VWA3B: variants seen among roughly 807,000 people sequenced by gnomAD.
VWA3B encodes von Willebrand factor A domain-containing protein 3B.
VWA3B carries 138 observed loss-of-function variants against 158.3 expected under a neutral mutation model. The ratio of observed to expected loss-of-function variants is 0.87; its 90% CI spans 0.76 to 1.00. VWA3B has a LOEUF of 1.00. Ranked by LOEUF, VWA3B falls within the 50% of genes least tolerant of loss-of-function variation. VWA3B has a pLI of 0.00. For synonymous variants in VWA3B, 596 were observed against 587.3 expected, an observed-to-expected ratio of 1.01 and a Z score of -0.21; for missense variants, 1,555 against 1,565.1, an observed-to-expected ratio of 0.99 and a Z score of 0.11.
chr2:98,162,999 G>T (rs752975750), intron 8 of VWA3B, 23 bp downstream of exon 8: 29 of 1,612,652 alleles, frequency 1.8e-5, no homozygotes, highest in Non-Finnish European at 2.1e-5. Context: ...TCTGGTCACT[G>T]GTGTAAAAGA....
chr2:98,154,359 G>A lies in VWA3B; in HGVS notation c.989-8492G>A, dbSNP rs79734327. Among the ~76,000 whole-genome samples, 285 of 152,292 alleles carry A rather than the reference G, an allele frequency of 1.9e-3. 13 individuals carry two copies. The East Asian group carries it at 0.051, about 27-fold the overall frequency. ...GCTTCTGCCTTATGACTTAGGGGTT[G>A]TTCCTTCCCTCCATTACTGCAGGAT... On this transcript the variant is annotated intron_variant, in intron 7 of 27. Coordinates refer to ENST00000477737, the MANE Select transcript of VWA3B (RefSeq NM_144992.5).
chr2:98,189,255 A>G (rs1681378171), intron 10 of VWA3B, among the ~76,000 whole-genome samples: 1 of 152,138 alleles, frequency 6.6e-6, no homozygotes, highest in African/African-American at 2.4e-5. Context: ...AAGATTCAAA[A>G]AATTAGCTAG....
chr2:98,194,584 T>G, intron 12 of VWA3B, 92 bp downstream of exon 12: 24 of 1,473,770 alleles, frequency 1.6e-5, no homozygotes, highest in Middle Eastern at 1.8e-4. Context: ...TGAGAGGTGT[T>G]TTGCACTCTC....
chr2:98,141,314 C>T (rs1031038135), intron 7 of VWA3B, among the ~76,000 whole-genome samples: 10 of 152,262 alleles, frequency 6.6e-5, no homozygotes, highest in Non-Finnish European at 1.3e-4. Flanking sequence ...TTAGGCTCAG[C>T]GTTCTGCAGG....
rs569276531 is a variant in VWA3B, at chr2:98,105,964, G to T, written c.197-9688G>T. On this transcript the variant is annotated intron_variant, in intron 2 of 27. Coordinates refer to ENST00000477737, the MANE Select transcript of VWA3B (RefSeq NM_144992.5). ...AGAGTCTCGCTCTGTTGCCCAGGCT[G>T]GAGTGCAGTGGTGCAATTTCAGCTC... Among the ~76,000 whole-genome samples, 62 of 152,004 alleles carry T rather than the reference G, an allele frequency of 4.1e-4. 1 individual carries two copies. The South Asian group carries it at 0.013, about 31-fold the overall frequency.
chr2:98,229,947 T>A (rs986258889), intron 15 of VWA3B, 103 bp from the exon 16 acceptor site: 1 of 1,287,752 alleles, frequency 7.8e-7, no homozygotes, highest in Non-Finnish European at 1.1e-6. Flanking sequence ...TTTTTAAAGT[T>A]TGCAGTGTTC....
intron 7 of VWA3B, among the ~76,000 whole-genome samples, chr2:98,152,984 C>T (rs1395463542): frequency 1.3e-5 from 2 of 152,246 alleles, no homozygotes; most frequent in Non-Finnish European, 2.9e-5. Context: ...ACAGAACCCT[C>T]TCACAGTTTG....
intron 22 of VWA3B, among the ~76,000 whole-genome samples, chr2:98,289,165 T>C (rs1689342546): frequency 6.6e-6 from 1 of 152,216 alleles, no homozygotes; most frequent in South Asian, 2.1e-4. Flanking sequence ...GTATGTAAAA[T>C]TACGTTACTT....
chr2:98,234,245 A>G (rs1430451983), intron 16 of VWA3B, among the ~76,000 whole-genome samples: 1 of 152,272 alleles, frequency 6.6e-6, no homozygotes, highest in Non-Finnish European at 1.5e-5. Flanking sequence ...AGAGAAAGTC[A>G]GACAGATTTG....
At chr2:98,093,667 CTCTT>C (rs1682515291) in intron 2 of VWA3B, among the ~76,000 whole-genome samples, 1 of 152,122 alleles carries the variant, frequency 6.6e-6, no homozygotes, top group Non-Finnish European at 1.5e-5. Context: ...CACTTACCCA[CTCTT>C]TCTGTGTTTT....
chr2:98,148,135 G>C (rs1051110082), intron 7 of VWA3B, among the ~76,000 whole-genome samples: 14 of 152,248 alleles, frequency 9.2e-5, no homozygotes, highest in Non-Finnish European at 1.6e-4. Flanking sequence ...ATAAATTTCT[G>C]ATAGTGAAAA....
In VWA3B at chr2:98,121,410, C is replaced by T. The variant is rs776417247; in HGVS notation, c.654C>T (p.Ser218=). The T allele has an allele frequency of 3.0e-5, 49 of 1,614,068 alleles. No individual in the cohort carries two copies. Among genetic ancestry groups the T allele is most frequent in the Non-Finnish European group, 3.0e-5 (35 of 1,180,040 alleles). The change falls in exon 5 of 28, where the codon AGC becomes AGT. Residue 218 remains serine, a synonymous_variant. Coordinates refer to ENST00000477737, the MANE Select transcript of VWA3B (RefSeq NM_144992.5). ...AACTGACGGTTGAGCTGACTGTGAG[C>T]GAGGCTGGCCGCCTGGATGCTCTGC... ...VEKLTVELTV[S]EAGRLDALLE...
intron 9 of VWA3B, among the ~76,000 whole-genome samples, chr2:98,186,766 C>T (rs566482680): frequency 2.6e-5 from 4 of 152,194 alleles, no homozygotes; most frequent in African/African-American, 7.2e-5. Flanking sequence ...CCTTGGTCCT[C>T]GGCCGTCCAG....
At chr2:98,222,749 A>G (rs1363102335) in intron 14 of VWA3B, among the ~76,000 whole-genome samples, 3 of 152,204 alleles carry the variant, frequency 2.0e-5, no homozygotes, top group Non-Finnish European at 4.4e-5. Context: ...CAGATTCGCA[A>G]AGAAGACCAA....
chr2:98,128,409 G>A lies in VWA3B; in HGVS notation c.872+1G>A. The stretch of plus-strand genomic sequence containing the variant: ...ATCTGAGTGCCAAGACCCACAGCAG[G>A]TAGGCAGAAAATGTGCTCTTGAGTG... On this transcript the variant is annotated splice_donor_variant, in intron 6 of 27. Coordinates refer to ENST00000477737, the MANE Select transcript of VWA3B (RefSeq NM_144992.5). LOFTEE classifies it high-confidence loss of function. 6.2e-7 allele frequency: 1 copy of A among 1,612,172 alleles called. No individual in the cohort carries two copies. The highest frequency in any genetic ancestry group is 8.5e-7 in the Non-Finnish European group (1 of 1,178,924).
chr2:98,123,391 G>A (rs1675116818), intron 5 of VWA3B, among the ~76,000 whole-genome samples: 2 of 152,316 alleles, frequency 1.3e-5, no homozygotes, highest in South Asian at 4.1e-4. Flanking sequence ...GCCCACATGA[G>A]GAGTAGGGCT....
At chr2:98,245,318 G>A in intron 19 of VWA3B, 1 of 281,240 alleles carries the variant, frequency 3.6e-6, no homozygotes, top group East Asian at 9.5e-5. Context: ...AGCCGGGGGT[G>A]CCATGATTCT....
chr2:98,291,737 G>C (rs1387405937), intron 23 of VWA3B: 3 of 152,266 alleles, frequency 2.0e-5, no homozygotes, highest in Non-Finnish European at 2.9e-5. Context: ...TGGATGGAAA[G>C]ACAATGAGAT....
intron 8 of VWA3B, among the ~76,000 whole-genome samples, chr2:98,169,421 A>T (rs1679385138): frequency 6.6e-6 from 1 of 152,204 alleles, no homozygotes. Context: ...GACAAAGGAA[A>T]TAAAATGGAA....
Sources: gnomAD v4.1 joint callset for allele counts (sites outside exome capture counted in the v4.1 genomes callset) on GRCh38, gnomAD v4.1.1 for gene constraint, MANE v1.5 for transcripts, NCBI Gene and HGNC (gene_info 2026-07-23, HGNC 2026-07-21) for gene names.